The following COMMD1 variants were observed in gnomAD, a reference collection of about 807,000 sequenced individuals.
COMMD1 encodes the protein COMM domain-containing protein 1.
A neutral mutation model predicts 17.2 loss-of-function variants in COMMD1; 10 were observed. The observed-to-expected ratio is 0.58, with a 90% CI of 0.36 to 0.99. COMMD1 has a LOEUF of 0.99. Ranked by LOEUF, COMMD1 falls within the 50% of genes least tolerant of loss-of-function variation. COMMD1 has a pLI of 0.01. For synonymous variants in COMMD1, 97 were observed against 91.6 expected (o/e 1.06, Z -0.34); for missense variants, 270 against 231.8 (o/e 1.17, Z -1.07).
chr2:61,934,488 A>C (rs1227012574), intron 1 of COMMD1, among the ~76,000 whole-genome samples: 1 of 152,158 alleles, frequency 6.6e-6, no homozygotes, highest in African/African-American at 2.4e-5. Context: ...TTGGGGAGGC[A>C]GAGGCGAGAA....
intron 2 of COMMD1, among the ~76,000 whole-genome samples, chr2:62,041,554 A>G (rs10198967): frequency 0.011 from 1,717 of 152,062 alleles, 41 homozygotes; most frequent in African/African-American, 0.038. Flanking sequence ...AACTTGGCCA[A>G]TTCTTTCTGT....
In COMMD1 at chr2:62,054,047, A is replaced by G. The variant is rs540992288; in HGVS notation, c.462+53065A>G. Among the ~76,000 whole-genome samples the G allele has an allele frequency of 3.3e-5, 5 of 152,348 alleles. No individual in the cohort carries two copies. The South Asian group carries it at 1.0e-3, about 32-fold the overall frequency. On this transcript the variant is annotated intron_variant, in intron 2 of 2. Coordinates refer to ENST00000311832, the MANE Select transcript of COMMD1 (RefSeq NM_152516.4). ...TACTAAAAAGTGGGCAAAGGACATG[A>G]ATAGACATTTTTCAAAAGAAGACAT...
chr2:62,064,333 C>T (rs185372337), intron 2 of COMMD1, among the ~76,000 whole-genome samples: 2 of 152,024 alleles, frequency 1.3e-5, no homozygotes, highest in Non-Finnish European at 2.9e-5. Flanking sequence ...GCCACAACGC[C>T]TGGCTAATTT....
At chr2:62,060,539 T>C (rs1187896323) in intron 2 of COMMD1, among the ~76,000 whole-genome samples, 4 of 152,214 alleles carry the variant, frequency 2.6e-5, no homozygotes, top group African/African-American at 9.6e-5. Flanking sequence ...CTTAGTCTTA[T>C]ATATTTAACC....
intron 2 of COMMD1, among the ~76,000 whole-genome samples, chr2:62,057,801 G>A (rs1163335912): frequency 6.6e-6 from 1 of 151,690 alleles, no homozygotes; most frequent in African/African-American, 2.4e-5. Flanking sequence ...CAAACTCCTG[G>A]GCTCAGGCGA....
chr2:62,062,357 G>C (rs542345996), intron 2 of COMMD1, among the ~76,000 whole-genome samples: 1 of 152,126 alleles, frequency 6.6e-6, no homozygotes, highest in African/African-American at 2.4e-5. Flanking sequence ...CTCCCGAGTA[G>C]CTGGGATTAC....
chr2:62,106,804 A>T (rs1378672301), intron 2 of COMMD1, among the ~76,000 whole-genome samples: 2 of 152,248 alleles, frequency 1.3e-5, no homozygotes, highest in Admixed American at 1.3e-4. Context: ...TGGTAAGCAG[A>T]AGCAGAGACT....
At chr2:61,997,792 G>A (rs1261484322) in intron 1 of COMMD1, among the ~76,000 whole-genome samples, 1 of 152,170 alleles carries the variant, frequency 6.6e-6, no homozygotes, top group African/African-American at 2.4e-5. Flanking sequence ...AAGAGAGTCA[G>A]CCTGTCCTTT....
chr2:61,905,934 C>T (rs1477050262), intron 1 of COMMD1, 76 bp downstream of exon 1: 3 of 1,442,112 alleles, frequency 2.1e-6, no homozygotes, highest in African/African-American at 2.8e-5. Context: ...CCCCCCTTGC[C>T]TTCCCCTGTC....
chr2:62,133,410 C>T (rs1002428609), intron 2 of COMMD1, among the ~76,000 whole-genome samples: 10 of 151,998 alleles, frequency 6.6e-5, no homozygotes, highest in African/African-American at 1.4e-4. Flanking sequence ...TCGTAGGGGA[C>T]GAAAAAGTTT....
intron 1 of COMMD1, among the ~76,000 whole-genome samples, chr2:61,968,185 C>T (rs935867744): frequency 6.6e-6 from 1 of 151,946 alleles, no homozygotes; most frequent in South Asian, 2.1e-4. Flanking sequence ...AAACAAAAGC[C>T]GCTTGGTGCC....
chr2:62,062,000 A>C (rs1670873187), intron 2 of COMMD1, among the ~76,000 whole-genome samples: 1 of 142,716 alleles, frequency 7.0e-6, no homozygotes, highest in African/African-American at 2.6e-5. Context: ...AAAAAAAAAA[A>C]CAGAAACAAA....
chr2:61,908,358 C>G (rs1374376126), intron 1 of COMMD1, among the ~76,000 whole-genome samples: 1 of 151,702 alleles, frequency 6.6e-6, no homozygotes, highest in Non-Finnish European at 1.5e-5. Context: ...TCCCGAGTAG[C>G]TGGGACTGCA....
chr2:62,039,536 G>C (rs566689823), intron 2 of COMMD1, among the ~76,000 whole-genome samples: 179 of 152,274 alleles, frequency 1.2e-3, no homozygotes, highest in Middle Eastern at 0.01. Context: ...TTAAATATCA[G>C]GGGGAGTAAG....
At chr2:61,936,651 C>A (rs767163345) in intron 1 of COMMD1, among the ~76,000 whole-genome samples, 2 of 152,114 alleles carry the variant, frequency 1.3e-5, no homozygotes, top group Non-Finnish European at 2.9e-5. Context: ...CCAGGATGGT[C>A]TTGAACTCCT....
At chr2:62,013,782 C>G (rs1558562351) in intron 2 of COMMD1, among the ~76,000 whole-genome samples, 1 of 152,154 alleles carries the variant, frequency 6.6e-6, no homozygotes, top group Admixed American at 6.5e-5. Context: ...TAATTCTAGT[C>G]ATTGTTAAAA....
chr2:61,975,118 C>CTTTTTTTTTTTTTTTTTTTTTTTTT, intron 1 of COMMD1, among the ~76,000 whole-genome samples: 2 of 80,166 alleles, frequency 2.5e-5, no homozygotes, highest in African/African-American at 4.6e-5. Context: ...TCATTTCTTT[C>CTTTTTTTTTTTTTTTTTTTTTTTTT]TTTTTTTTTT....
chr2:62,044,498 G>A (rs763821568), intron 2 of COMMD1, among the ~76,000 whole-genome samples: 5 of 152,150 alleles, frequency 3.3e-5, no homozygotes, highest in African/African-American at 1.2e-4. Context: ...TGGAAGTTAG[G>A]CACAGAATTT....
chr2:61,992,658 C>T (rs1319212414), intron 1 of COMMD1, among the ~76,000 whole-genome samples: 1 of 152,190 alleles, frequency 6.6e-6, no homozygotes, highest in Non-Finnish European at 1.5e-5. Flanking sequence ...GCCGAACATC[C>T]CTAGCTCATG....
Sources: allele counts gnomAD v4.1 joint callset (sites outside exome capture counted in the v4.1 genomes callset), GRCh38; gene constraint gnomAD v4.1.1; transcripts MANE v1.5; gene names NCBI Gene and HGNC (gene_info 2026-07-23, HGNC 2026-07-21).